The following KLHL29 variants were observed in gnomAD, a reference collection of about 807,000 sequenced individuals.
The protein encoded by KLHL29 is kelch-like protein 29.
A neutral mutation model predicts 80.4 loss-of-function variants in KLHL29; 21 were observed. The observed-to-expected ratio is 0.26, with a 90% CI of 0.19 to 0.38. KLHL29 has a LOEUF of 0.38. Ranked by LOEUF, KLHL29 falls within the 10% of genes least tolerant of loss-of-function variation. The pLI is 1.00. For missense variants in KLHL29, 867 were observed against 1,223.9 expected (o/e 0.71, Z 4.35); for synonymous variants, 511 against 526.8 (o/e 0.97, Z 0.41).
At chr2:23,639,878 A>T (rs377583905) in intron 4 of KLHL29, among the ~76,000 whole-genome samples, 4 of 152,236 alleles carry the variant, frequency 2.6e-5, no homozygotes, top group African/African-American at 9.6e-5. Flanking sequence ...TGGAATAAAC[A>T]CACCAGGCCA....
chr2:23,628,446 G>A (rs1415181235), intron 3 of KLHL29, among the ~76,000 whole-genome samples: 1 of 152,100 alleles, frequency 6.6e-6, no homozygotes, highest in East Asian at 1.9e-4. Context: ...TCTTCCCCTG[G>A]GGTCGTTGGG....
intron 3 of KLHL29, among the ~76,000 whole-genome samples, chr2:23,612,038 C>A (rs1422510509): frequency 6.6e-5 from 10 of 151,986 alleles, no homozygotes; most frequent in Admixed American, 6.6e-4. Flanking sequence ...ATTGGGATTC[C>A]AGAAAAAGAG....
intron 1 of KLHL29, among the ~76,000 whole-genome samples, chr2:23,417,620 G>A (rs778578707): frequency 6.6e-6 from 1 of 152,176 alleles, no homozygotes; most frequent in Admixed American, 6.5e-5. Context: ...CGTGGATGGA[G>A]GCTCTGTACC....
At chr2:23,602,721 T>G (rs1023932986) in intron 3 of KLHL29, among the ~76,000 whole-genome samples, 2 of 151,786 alleles carry the variant, frequency 1.3e-5, no homozygotes, top group African/African-American at 4.8e-5. Context: ...CCAAAAGTGC[T>G]GGGATTACAG....
chr2:23,581,192 A>G (rs1450024186), intron 3 of KLHL29, among the ~76,000 whole-genome samples: 1 of 152,064 alleles, frequency 6.6e-6, no homozygotes, highest in African/African-American at 2.4e-5. Flanking sequence ...AGGAAGTCAG[A>G]CACCCCTTGC....
chr2:23,550,344 G>A (rs899176664), intron 2 of KLHL29, among the ~76,000 whole-genome samples: 7 of 152,136 alleles, frequency 4.6e-5, no homozygotes, highest in Non-Finnish European at 1.0e-4. Context: ...TGGTTTCCTG[G>A]GGAGGGATTT....
chr2:23,688,358 C>A (rs115839781), intron 6 of KLHL29, among the ~76,000 whole-genome samples: 128 of 152,300 alleles, frequency 8.4e-4, no homozygotes, highest in African/African-American at 3.0e-3. Context: ...CACCACTGCC[C>A]ATGGATTCCT....
intron 1 of KLHL29, among the ~76,000 whole-genome samples, chr2:23,397,332 C>T (rs903168552): frequency 1.3e-5 from 2 of 152,218 alleles, no homozygotes; most frequent in African/African-American, 2.4e-5. Flanking sequence ...TTCAGAGCTA[C>T]GGCCCTGCTC....
At chr2:23,520,629 A>G (rs112268520) in intron 2 of KLHL29, among the ~76,000 whole-genome samples, 1,899 of 152,278 alleles carry the variant, frequency 0.012, 23 homozygotes, top group Non-Finnish European at 0.022. Context: ...GCAGGTGATT[A>G]TTTATACAAG....
intron 3 of KLHL29, among the ~76,000 whole-genome samples, chr2:23,586,336 C>T (rs929709016): frequency 3.3e-5 from 5 of 151,784 alleles, no homozygotes; most frequent in Admixed American, 2.6e-4. Flanking sequence ...CAGCCTCCCC[C>T]CCATTCCTTC....
At chr2:23,488,342 A>T (rs1664990274) in intron 2 of KLHL29, among the ~76,000 whole-genome samples, 1 of 152,184 alleles carries the variant, frequency 6.6e-6, no homozygotes, top group African/African-American at 2.4e-5. Flanking sequence ...GGACTGGATG[A>T]TGCTCTGGCA....
At chr2:23,702,547 C>T (rs768638626) in intron 11 of KLHL29, among the ~76,000 whole-genome samples, 22 of 152,164 alleles carry the variant, frequency 1.4e-4, no homozygotes, top group Non-Finnish European at 2.5e-4. Context: ...TCCCTGTGCC[C>T]ACTCAGTCCT....
chr2:23,538,765 C>T (rs1265126619), intron 2 of KLHL29, among the ~76,000 whole-genome samples: 2 of 152,134 alleles, frequency 1.3e-5, no homozygotes, highest in Non-Finnish European at 2.9e-5. Flanking sequence ...CTTGTTCCAC[C>T]AGTTCTCACT....
intron 1 of KLHL29, among the ~76,000 whole-genome samples, chr2:23,399,225 T>C (rs1666529904): frequency 6.6e-6 from 1 of 152,274 alleles, no homozygotes; most frequent in South Asian, 2.1e-4. Context: ...GTGCTGTCAC[T>C]GCATTTCCCT....
Position 23,696,158 on chromosome 2 carries a change from G to T in KLHL29, c.1924+25G>T, listed in dbSNP as rs1171860066. 8.4e-6 allele frequency: 13 copies of T among 1,545,470 alleles called. No individual in the cohort carries two copies. The highest frequency in any genetic ancestry group is 1.2e-5 in the South Asian group (1 of 83,276). On this transcript the variant is annotated intron_variant, in intron 10 of 13. Coordinates refer to ENST00000486442, the MANE Select transcript of KLHL29 (RefSeq NM_052920.2). This position sits in a 1 kb window ranked among gnomAD's most constrained non-coding sequence, Gnocchi z 5.5. ...GGTGAGGCCCCCCGGGGTTGGGGCGGGACCAGGCATGGGGGTCCCAAGGGG... is the reference window on the plus strand; with the variant it reads ...GGTGAGGCCCCCCGGGGTTGGGGCGTGACCAGGCATGGGGGTCCCAAGGGG...
At chr2:23,538,975 G>A (rs1666755481) in intron 2 of KLHL29, among the ~76,000 whole-genome samples, 1 of 152,202 alleles carries the variant, frequency 6.6e-6, no homozygotes, top group South Asian at 2.1e-4. Context: ...TTGATTAGAT[G>A]CATTCCAAAT....
intron 1 of KLHL29, among the ~76,000 whole-genome samples, chr2:23,438,454 A>G (rs1663409557): frequency 7.5e-6 from 1 of 132,734 alleles, no homozygotes; most frequent in Admixed American, 7.4e-5. Context: ...GGTTTGTCAT[A>G]GATAGCTCTT....
intron 2 of KLHL29, among the ~76,000 whole-genome samples, chr2:23,479,749 C>T (rs1224659004): frequency 1.3e-5 from 2 of 152,192 alleles, no homozygotes; most frequent in Admixed American, 6.5e-5. Context: ...TCTCAGTCCT[C>T]CTCCCTCCCT....
At chr2:23,688,472 G>A (rs1194844494) in intron 6 of KLHL29, among the ~76,000 whole-genome samples, 3 of 152,208 alleles carry the variant, frequency 2.0e-5, no homozygotes, top group African/African-American at 7.2e-5. Flanking sequence ...TGTCTGGAAG[G>A]AAGGGCATTT....
Sources: gnomAD v4.1 joint callset for allele counts (sites outside exome capture counted in the v4.1 genomes callset) on GRCh38, gnomAD v4.1.1 for gene constraint, Gnocchi (gnomAD v3.1) non-coding constraint, MANE v1.5 for transcripts, NCBI Gene and HGNC (gene_info 2026-07-23, HGNC 2026-07-21) for gene names.